Variants in NEB observed in about 807,000 individuals in gnomAD.
NEB encodes nebulin.
Under a neutral mutation model 952.2 loss-of-function variants are expected in NEB, and 512 were observed. That is an observed-to-expected ratio of 0.54 (90% CI 0.50 to 0.58). The LOEUF (loss-of-function observed/expected upper bound fraction) is 0.58. NEB is among the 20% of genes least tolerant of loss of function. The pLI, the probability that NEB is intolerant of heterozygous loss-of-function variation, is 0.00. For missense variants in NEB, 8,428 were observed against 9,231.1 expected (o/e 0.91, Z 3.56); for synonymous variants, 2,900 against 3,149.8 (o/e 0.92, Z 2.66).
intron 23 of NEB, 122 bp from the exon 24 acceptor site, chr2:151,690,947 GT>G: frequency 1.4e-6 from 1 of 695,908 alleles, no homozygotes. Context: ...TAGTTGATGC[GT>G]TTATATTCTC....
At position 151,639,341 on chromosome 2, in the gene NEB, T is replaced by C. The variant is rs760042753; in HGVS notation, c.8933A>G (p.His2978Arg). The C allele has an allele frequency of 4.5e-6, 7 of 1,546,646 alleles. No individual in the cohort carries two copies. In the South Asian group the frequency reaches 7.1e-5, roughly 16 times the overall value. The change falls in exon 63 of 182, where the codon CAC (histidine) becomes CGC (arginine). Residue 2978 changes from histidine (H) to arginine (R), a missense_variant. Transcript: ENST00000397345. ...EAWDKDKTQI[H>R]IMPDTPEIML... ...AATTTCTGGTGTGTCTGGCATTATG[T>C]GGATCTGAGTCTTGTCTTTGTCCCA... is the stretch of plus-strand genomic sequence containing the variant.
At chr2:151,564,120 C>T (rs988312390) in intron 117 of NEB, among the ~76,000 whole-genome samples, 190 bp from the exon 118 acceptor site, 10 of 151,896 alleles carry the variant, frequency 6.6e-5, no homozygotes, top group Admixed American at 3.9e-4. Flanking sequence ...CTTACAGACT[C>T]GAGGCATTTT....
chr2:151,508,388 C>T (rs1158681411), intron 161 of NEB, among the ~76,000 whole-genome samples: 2 of 152,182 alleles, frequency 1.3e-5, no homozygotes, highest in African/African-American at 4.8e-5. Context: ...AGCTGGTCCA[C>T]AGGAGGAAGG....
At position 151,563,607 on chromosome 2, in the gene NEB, G is replaced by A. The variant is rs375357016; in HGVS notation, c.18692C>T (p.Ala6231Val). ...GTGTTAAAGTGGACATTTACTTACC[G>A]CACTCCTCATCTTTTGGAAATCCAG... is the stretch of plus-strand genomic sequence containing the variant. ...HCLDFQKMRS[A>V]LNYRKHYEDT... Residue 6231 changes from alanine to valine, a missense_variant and splice_region_variant, in exon 119 of 182, where the codon GCG becomes GTG. This residue lies in a region of NEB where 3,374 missense variants were observed against 3,651.5 expected (regional missense o/e 0.92). Transcript: ENST00000397345. 2.7e-5 allele frequency: 43 copies of A among 1,611,152 alleles called. No individual in the cohort carries two copies. The highest frequency in any genetic ancestry group is 1.6e-4 in the Middle Eastern group (1 of 6,074).
At chr2:151,693,598 A>C (rs1056782294) in intron 20 of NEB, among the ~76,000 whole-genome samples, 2 of 152,150 alleles carry the variant, frequency 1.3e-5, no homozygotes, top group African/African-American at 4.8e-5. Flanking sequence ...ACATGATCTG[A>C]TTCCATTTTA....
chr2:151,650,325 C>T lies in NEB; in HGVS notation c.7282G>A (p.Gly2428Ser), dbSNP rs201690610. Residue 2428 changes from glycine to serine, a missense_variant, in exon 54 of 182, where the codon GGT becomes AGT. Physicochemically the swap from Gly to Ser is moderately conservative, Grantham distance 56 (BLOSUM62 0). Coordinates refer to ENST00000397345, the MANE Select transcript of NEB (RefSeq NM_001164508.2). ...WLRGIGWSPL[G>S]SLEAEKNKRA... ...TTGTTCTTTTCTGCCTCTAAAGAAC[C>T]CAAGGGACTCCATCCTATGCCTCTC... The T allele has an allele frequency of 1.7e-5, 27 of 1,613,684 alleles. No individual in the cohort carries two copies. Among genetic ancestry groups the T allele is most frequent in the Non-Finnish European group, 2.3e-5 (27 of 1,179,848 alleles).
At chr2:151,526,808 G>T in intron 148 of NEB, 110 bp downstream of exon 148, 1 of 815,300 alleles carries the variant, frequency 1.2e-6, no homozygotes. Context: ...CCATACCTGA[G>T]CCCTGATGGA....
At chr2:151,633,598 T>G in intron 65 of NEB, 56 bp downstream of exon 65, 1 of 1,545,456 alleles carries the variant, frequency 6.5e-7, no homozygotes. Context: ...AAGGATAATT[T>G]TCACATAGTT....
Position 151,508,056 on chromosome 2 carries a change from C to A in NEB, c.23400G>T (p.Leu7800Phe). ...EKSMSYYETVLDTPEIQRVRE... is the reference protein window; with the variant it reads ...EKSMSYYETVFDTPEIQRVRE... ...GGACTCTCTGTATCTCTGGGGTGTC[C>A]AAAACAGTCTCATAATACGACATGG... The change falls in exon 162 of 182, where the codon TTG becomes TTT. Residue 7800 changes from leucine to phenylalanine, a missense_variant. Coordinates refer to ENST00000397345, the MANE Select transcript of NEB (RefSeq NM_001164508.2). 6.2e-7 allele frequency: 1 copy of A among 1,611,186 alleles called. No individual in the cohort carries two copies. Among genetic ancestry groups the A allele is most frequent in the Non-Finnish European group, 8.5e-7 (1 of 1,178,606 alleles).
Position 151,621,014 on chromosome 2 carries a change from G to C in NEB, c.10465C>G (p.Gln3489Glu), listed in dbSNP as rs1286822636. 6.2e-7 allele frequency: 1 copy of C among 1,608,290 alleles called. No individual in the cohort carries two copies. The highest frequency in any genetic ancestry group is 8.5e-7 in the Non-Finnish European group (1 of 1,176,800). ...KINYSESLYR[Q>E]AMEEAKKEGY... is the part of the protein sequence containing the mutation. ...TCTTTCTTGGCTTCTTCCATGGCCT[G>C]ACGATAGAGGCTCTGAGGAAAGAAG... is the stretch of plus-strand genomic sequence containing the variant. The change falls in exon 72 of 182, where the codon CAG (glutamine) becomes GAG (glutamate). Residue 3489 changes from glutamine (Q) to glutamate (E), a missense_variant. Coordinates refer to ENST00000397345, the MANE Select transcript of NEB (RefSeq NM_001164508.2).
Position 151,581,541 on chromosome 2 carries a change from A to G in NEB, c.16226T>C (p.Val5409Ala), listed in dbSNP as rs2097093211. ...AWEKEKANVN[V>A]PADTPLMLQS... Reference sequence around the variant, plus strand: ...CAGCATCAGGGGAGTGTCAGCTGGCACGTTCACATTAGCCTTCTCTTTCTC... The same window carrying G: ...CAGCATCAGGGGAGTGTCAGCTGGCGCGTTCACATTAGCCTTCTCTTTCTC... Residue 5409 changes from valine to alanine, a missense_variant, in exon 103 of 182, where the codon GTG becomes GCG. Val to Ala is a moderately conservative substitution (Grantham distance 64). Around this residue, in one of 11 missense-constraint regions of NEB, gnomAD observed 40 missense variants for 61.2 expected, o/e 0.65. Coordinates refer to ENST00000397345, the MANE Select transcript of NEB (RefSeq NM_001164508.2). 2 of 1,243,590 alleles carry G rather than the reference A, an allele frequency of 1.6e-6. No individual in the cohort carries two copies. Among genetic ancestry groups the G allele is most frequent in the Admixed American group, 2.3e-5 (1 of 43,216 alleles). The allele number at this position is 1,243,590 out of a possible 1,614,324, so 77.0% of individuals were successfully genotyped here.
Position 151,631,075 on chromosome 2 carries a change from C to A in NEB, c.9618+68G>T, listed in dbSNP as rs773533542. ...CACGCCTTCATAGATAATTTAGACT[C>A]CATTAGTCATTAAAGTATAATAACA... On this transcript the variant is annotated intron_variant, in intron 66 of 181. Transcript: ENST00000397345. 2.0e-5 allele frequency: 32 copies of A among 1,581,070 alleles called. No individual in the cohort carries two copies. In the South Asian group the frequency reaches 3.5e-4, roughly 17 times the overall value.
chr2:151,505,433 G>A, intron 165 of NEB, 45 bp downstream of exon 165: 1 of 1,495,118 alleles, frequency 6.7e-7, no homozygotes, highest in Non-Finnish European at 9.3e-7. Flanking sequence ...TAGCAATTGA[G>A]AGATGGCCAG....
chr2:151,630,824 A>G lies in NEB; in HGVS notation c.9619-5T>C. ...CCAGGCCTCTGTGTATAAACGCTAT[A>G]AAAGAAGATAAGATGCTGATTAAAA... is the stretch of plus-strand genomic sequence containing the variant. On this transcript the variant is annotated splice_region_variant and splice_polypyrimidine_tract_variant and intron_variant, in intron 66 of 181. Coordinates refer to ENST00000397345, the MANE Select transcript of NEB (RefSeq NM_001164508.2). 1 of 1,572,928 alleles carries G rather than the reference A, an allele frequency of 6.4e-7. No homozygotes were observed. The highest frequency in any genetic ancestry group is 8.7e-7 in the Non-Finnish European group (1 of 1,155,884).
Position 151,656,534 on chromosome 2 carries a change from C to T in NEB, c.6184-70G>A, listed in dbSNP as rs548217762. 98 of 888,656 alleles carry T rather than the reference C, an allele frequency of 1.1e-4. No individual in the cohort carries two copies. In the African/African-American group the frequency reaches 1.5e-3, roughly 14 times the overall value. The allele number at this position is 888,656 out of a possible 1,614,324, so 55.0% of individuals were successfully genotyped here. On this transcript the variant is annotated intron_variant, in intron 48 of 181. Coordinates refer to ENST00000397345, the MANE Select transcript of NEB (RefSeq NM_001164508.2). The stretch of plus-strand genomic sequence containing the variant: ...TAAAAATCGATCTAGTGTCAATATG[C>T]TATATTATTTTTGTATAATTATAAA...
chr2:151,711,966 AG>A lies in NEB; in HGVS notation c.823-1429del, dbSNP rs922917798. On this transcript the variant is annotated intron_variant, in intron 10 of 181. Transcript: ENST00000397345. Reference sequence around the variant, plus strand: ...CCTGCACTCTGTTTTGAAGATTTAAAGAACAGAAGTCAATAAAATTGATTTC... The same window carrying A: ...CCTGCACTCTGTTTTGAAGATTTAAAAACAGAAGTCAATAAAATTGATTTC... Among the ~76,000 whole-genome samples the A allele has an allele frequency of 9.9e-5, 15 of 152,226 alleles. 1 individual carries two copies.
At position 151,677,969 on chromosome 2, in the gene NEB, A is replaced by C. The variant is rs1285218949; in HGVS notation, c.3474T>G (p.Asn1158Lys). The C allele has an allele frequency of 1.2e-6, 2 of 1,613,934 alleles. No individual in the cohort carries two copies. The highest frequency in any genetic ancestry group is 1.7e-6 in the Non-Finnish European group (2 of 1,179,812). ...AAKKAQDVVS[N>K]VNYKHSLHHY... Reference sequence around the variant, plus strand: ...GATGGAGAGAATGCTTATAGTTGACATTGCTGACCACATCCTGGGCTTTCT... The same window carrying C: ...GATGGAGAGAATGCTTATAGTTGACCTTGCTGACCACATCCTGGGCTTTCT... Residue 1158 changes from asparagine (N) to lysine (K), a missense_variant, in exon 33 of 182, where the codon AAT becomes AAG. Transcript: ENST00000397345.
intron 150 of NEB, 125 bp from the exon 151 acceptor site, chr2:151,525,398 A>G (rs1341988291): frequency 4.4e-6 from 3 of 674,368 alleles, no homozygotes; most frequent in African/African-American, 3.6e-5. Context: ...TGGGACTTAG[A>G]TAAGACCCAT....
intron 116 of NEB, 34 bp from the exon 117 acceptor site, chr2:151,565,182 AAATG>A: frequency 1.9e-6 from 2 of 1,078,540 alleles, no homozygotes; most frequent in Non-Finnish European, 2.7e-6. Context: ...TTATTACTAT[AAATG>A]AATATTAAAT....
Sources: gnomAD v4.1 joint callset for allele counts (sites outside exome capture counted in the v4.1 genomes callset) on GRCh38, gnomAD v4.1.1 for gene constraint, gnomAD v4.1.1 regional missense constraint, MANE v1.5 for transcripts, NCBI Gene and HGNC (gene_info 2026-07-23, HGNC 2026-07-21) for gene names.